NKD1: variants seen among roughly 807,000 people sequenced by gnomAD.
NKD1 encodes the protein NKD inhibitor of Wnt signaling pathway 1, also known as protein naked cuticle homolog 1.
In NKD1, 21 loss-of-function variants were observed where a neutral mutation model predicts 56.0. The observed-to-expected ratio is 0.38, with a 90% CI of 0.27 to 0.54. The LOEUF (loss-of-function observed/expected upper bound fraction) is 0.54. NKD1 is among the 20% of genes least tolerant of loss of function. The pLI is 0.82. For synonymous variants in NKD1, 263 were observed against 265.7 expected, an observed-to-expected ratio of 0.99 and a Z score of 0.10; for missense variants, 578 against 642.7, an observed-to-expected ratio of 0.90 and a Z score of 1.09.
At position 50,583,223 on chromosome 16, in the gene NKD1, T is replaced by C. The variant is rs73589913; in HGVS notation, c.193-25071T>C. 4.4e-3 allele frequency among the ~76,000 whole-genome samples: 665 copies of C among 152,246 alleles called. 4 individuals are homozygous for C. The highest frequency in any genetic ancestry group is 0.016 in the African/African-American group (652 of 41,546). On this transcript the variant is annotated intron_variant, in intron 3 of 9. Transcript: ENST00000268459. ...CAACAGAGGCAGTGGGAGGGATGTG[T>C]AAGAAAGCCTGGCAGCTTTTGCTTT...
rs2151260122 is a variant in NKD1 at position 50,548,458 on chromosome 16, C to T, written c.-96C>T. The T allele has an allele frequency of 3.0e-6, 3 of 991,202 alleles. No homozygotes were observed. The highest frequency in any genetic ancestry group is 4.0e-6 in the Non-Finnish European group (3 of 747,568). 61.4% of individuals were successfully genotyped at this position (991,202 alleles called of 1,614,324 possible). On this transcript the variant is annotated 5_prime_UTR_variant, in exon 1 of 10. Coordinates refer to ENST00000268459, the MANE Select transcript of NKD1 (RefSeq NM_033119.5). The stretch of plus-strand genomic sequence containing the variant: ...GCGCCGCCTCGGGCTCCGCTCGGCT[C>T]GGGGGCTGCTTCGGGAGGAGGAGAG...
At chr16:50,595,244 G>A (rs1961448774) in intron 3 of NKD1, among the ~76,000 whole-genome samples, 1 of 152,118 alleles carries the variant, frequency 6.6e-6, no homozygotes, top group Non-Finnish European at 1.5e-5. Context: ...GGTAAGTCCT[G>A]TCCCTTTTTG....
chr16:50,590,245 T>C (rs1429915987), intron 3 of NKD1, among the ~76,000 whole-genome samples: 5 of 152,198 alleles, frequency 3.3e-5, no homozygotes, highest in Non-Finnish European at 7.3e-5. Flanking sequence ...CTCTTGGGCT[T>C]AACCTCATCT....
chr16:50,549,404 A>C lies in NKD1; in HGVS notation c.59-18A>C. 3.1e-6 allele frequency: 5 copies of C among 1,608,704 alleles called. No homozygotes were observed. The highest frequency in any genetic ancestry group is 3.4e-6 in the Non-Finnish European group (4 of 1,177,684). The stretch of plus-strand genomic sequence containing the variant: ...ACCTGGAGCCAGACTCAGGGGCTTC[A>C]TGTCGTCCCCGTCCCAGGTGACAGC... On this transcript the variant is annotated intron_variant, in intron 2 of 9. Coordinates refer to ENST00000268459, the MANE Select transcript of NKD1 (RefSeq NM_033119.5).
chr16:50,566,826 C>T (rs1057329829), intron 3 of NKD1, among the ~76,000 whole-genome samples: 29 of 152,140 alleles, frequency 1.9e-4, no homozygotes, highest in African/African-American at 6.8e-4. Context: ...AGCTTCTGAC[C>T]TCTCTATGAT....
intron 3 of NKD1, among the ~76,000 whole-genome samples, chr16:50,584,494 T>C (rs1961186077): frequency 1.3e-5 from 2 of 152,272 alleles, no homozygotes; most frequent in Middle Eastern, 3.2e-3. Context: ...GGCAAGGTCC[T>C]ACCTTTGCTG....
chr16:50,616,293 T>A (rs1388026682), intron 4 of NKD1, among the ~76,000 whole-genome samples: 3 of 152,254 alleles, frequency 2.0e-5, no homozygotes, highest in Non-Finnish European at 4.4e-5. Context: ...TAGTAATTTC[T>A]GGTCTTTAGT....
rs1265585710 is a variant in NKD1, at chr16:50,632,066, C to CTG, written c.696-212_696-211dup. On this transcript the variant is annotated intron_variant, in intron 8 of 9. Transcript: ENST00000268459. This position sits in a 1 kb window ranked among gnomAD's most constrained non-coding sequence, Gnocchi z 4.1. ...TCCCAGAAGCTGCGGGGAGGTCGGG[C>CTG]TGTGGGCTGTGGTCTATGGTCTGTC... Among the ~76,000 whole-genome samples, 1 of 152,142 alleles carries CTG rather than the reference C, an allele frequency of 6.6e-6. No homozygotes were observed. Among genetic ancestry groups the CTG allele is most frequent in the East Asian group, 1.9e-4 (1 of 5,188 alleles).
rs373199175 is a variant in NKD1 at position 50,549,377 on chromosome 16, G to C, written c.59-45G>C. On this transcript the variant is annotated intron_variant, in intron 2 of 9. Transcript: ENST00000268459. ...CTTCCCTCCGCGGGGGTAACTTTTG[G>C]CACCTGGAGCCAGACTCAGGGGCTT... 1.2e-5 allele frequency: 19 copies of C among 1,591,868 alleles called. No individual in the cohort carries two copies. The African/African-American group carries it at 2.4e-4, about 20-fold the overall frequency.
At chr16:50,608,241 A>G (rs772523445) in intron 3 of NKD1, 53 bp from the exon 4 acceptor site, 68 of 1,272,280 alleles carry the variant, frequency 5.3e-5, no homozygotes, top group Admixed American at 2.0e-4. Flanking sequence ...TTAACGTCCC[A>G]GCACTGGGCT....
chr16:50,558,175 T>C (rs1462767803), intron 3 of NKD1: 1 of 152,236 alleles, frequency 6.6e-6, no homozygotes, highest in Non-Finnish European at 1.5e-5. Context: ...GTTAACCAAT[T>C]AAAATTTTTA....
At chr16:50,596,198 C>T (rs1961468979) in intron 3 of NKD1, among the ~76,000 whole-genome samples, 1 of 152,114 alleles carries the variant, frequency 6.6e-6, no homozygotes, top group African/African-American at 2.4e-5. Context: ...GCAATGGGGT[C>T]TGGGTGGACC....
intron 3 of NKD1, among the ~76,000 whole-genome samples, chr16:50,572,198 T>G (rs1960899836): frequency 6.6e-6 from 1 of 152,202 alleles, no homozygotes; most frequent in South Asian, 2.1e-4. Context: ...TGTGACTTAT[T>G]CATGTGGCAG....
At chr16:50,554,237 T>C (rs1490420324) in intron 3 of NKD1, among the ~76,000 whole-genome samples, 3 of 152,116 alleles carry the variant, frequency 2.0e-5, no homozygotes, top group African/African-American at 7.2e-5. Context: ...CTGCTGTGGG[T>C]CCTGCAAGGT....
At chr16:50,625,392 G>A (rs1409342672) in intron 5 of NKD1, 93 bp from the exon 6 acceptor site, 12 of 864,044 alleles carry the variant, frequency 1.4e-5, no homozygotes, top group South Asian at 6.7e-5. Context: ...ACAGGTGGCC[G>A]CCCCTTGGCC....
chr16:50,624,248 C>G lies in NKD1; in HGVS notation c.367-1237C>G, dbSNP rs577273457. 1.1e-4 allele frequency among the ~76,000 whole-genome samples: 17 copies of G among 152,270 alleles called. No individual in the cohort carries two copies. In the East Asian group the frequency reaches 3.1e-3, roughly 28 times the overall value. Reference sequence around the variant, plus strand: ...TGAAAGGCCATTTGTGGAGCCCTTTCCTGCTGAACAGCATGCTTCCTAGAA... The same window carrying G: ...TGAAAGGCCATTTGTGGAGCCCTTTGCTGCTGAACAGCATGCTTCCTAGAA... On this transcript the variant is annotated intron_variant, in intron 5 of 9. Coordinates refer to ENST00000268459, the MANE Select transcript of NKD1 (RefSeq NM_033119.5).
chr16:50,549,574 G>A lies in NKD1; in HGVS notation c.192+19G>A, dbSNP rs181834818. 80 of 1,552,916 alleles carry A rather than the reference G, an allele frequency of 5.2e-5. No individual in the cohort carries two copies. The African/African-American group carries it at 9.4e-4, about 18-fold the overall frequency. ...CACCCGGGTATGATTCCCCACCCCTGCCCCACCTCCTGGCCTCCTTTCAGC... is the reference window on the plus strand; with the variant it reads ...CACCCGGGTATGATTCCCCACCCCTACCCCACCTCCTGGCCTCCTTTCAGC... On this transcript the variant is annotated intron_variant, in intron 3 of 9. Coordinates refer to ENST00000268459, the MANE Select transcript of NKD1 (RefSeq NM_033119.5).
At position 50,639,291 on chromosome 16, in the gene NKD1, G is replaced by C. The variant is rs919221838; in HGVS notation, c.*5510G>C. On this transcript the variant is annotated 3_prime_UTR_variant, in exon 10 of 10. Transcript: ENST00000268459. The stretch of plus-strand genomic sequence containing the variant: ...CTTCAGGGGCCGTAAGAATCCCCCA[G>C]GGAGCATGTGAAATGCAGATACCAG... The C allele has an allele frequency of 2.6e-5, 4 of 152,184 alleles. No individual in the cohort carries two copies. Among genetic ancestry groups the C allele is most frequent in the Admixed American group, 1.3e-4 (2 of 15,284 alleles). The allele number at this position is 152,184 out of a possible 1,614,324, so 9.4% of individuals were successfully genotyped here.
chr16:50,556,034 T>A (rs1168083029), intron 3 of NKD1: 1 of 144,676 alleles, frequency 6.9e-6, no homozygotes, highest in South Asian at 2.4e-4. Context: ...GAGGGAGAAC[T>A]GAGGCAGGAG....
Sources: allele counts gnomAD v4.1 joint callset (sites outside exome capture counted in the v4.1 genomes callset), GRCh38; gene constraint gnomAD v4.1.1; non-coding constraint Gnocchi (gnomAD v3.1); transcripts MANE v1.5; gene names NCBI Gene and HGNC (gene_info 2026-07-23, HGNC 2026-07-21).